Variants in BIRC3 observed in about 807,000 individuals in gnomAD.
The protein encoded by BIRC3 is baculoviral IAP repeat containing 3.
BIRC3 carries 26 observed loss-of-function variants against 59.0 expected under a neutral mutation model. The ratio of observed to expected loss-of-function variants is 0.44; its 90% CI spans 0.32 to 0.61. The LOEUF (loss-of-function observed/expected upper bound fraction) is 0.61, where lower values mean the gene tolerates loss of function less well. Ranked by LOEUF, BIRC3 falls within the 20% of genes least tolerant of loss-of-function variation. The probability of loss-of-function intolerance (pLI) is 0.04; values close to 1 mark genes in which losing one functional copy is unlikely to be tolerated. For missense variants in BIRC3, 641 were observed against 711.5 expected (o/e 0.90, Z 1.13); for synonymous variants, 243 against 249.2 (o/e 0.98, Z 0.24).
chr11:102,320,799 G>C (rs768168821), intron 1 of BIRC3, among the ~76,000 whole-genome samples: 1 of 152,222 alleles, frequency 6.6e-6, no homozygotes, highest in Non-Finnish European at 1.5e-5. Context: ...AATAGCAACA[G>C]TCTGTTATTG....
Position 102,337,930 on chromosome 11 carries a change from C to G in BIRC3, c.*828C>G, listed in dbSNP as rs1437702294. The G allele has an allele frequency of 4.4e-6, 1 of 227,080 alleles. No homozygotes were observed. The highest frequency in any genetic ancestry group is 1.8e-4 in the South Asian group (1 of 5,492). 14.1% of individuals were successfully genotyped at this position (227,080 alleles called of 1,614,324 possible). Reference sequence around the variant, plus strand: ...TGGAATGCCTGAGACAAGAATCAAACAGTCCCTTTAGTAAGTTTGTTTATT... The same window carrying G: ...TGGAATGCCTGAGACAAGAATCAAAGAGTCCCTTTAGTAAGTTTGTTTATT... On this transcript the variant is annotated 3_prime_UTR_variant, in exon 9 of 9. Transcript: ENST00000263464.
At position 102,336,817 on chromosome 11, in the gene BIRC3, T is replaced by G; in HGVS notation, c.1621+16T>G. On this transcript the variant is annotated intron_variant, in intron 8 of 8. Coordinates refer to ENST00000263464, the MANE Select transcript of BIRC3 (RefSeq NM_001165.5). ...GATGTTTCAGGTAATAGTACTAATA[T>G]TTTAAATCAATAGAGAACATTGTCT... The G allele has an allele frequency of 6.2e-7, 1 of 1,602,764 alleles. No individual in the cohort carries two copies. Among genetic ancestry groups the G allele is most frequent in the Non-Finnish European group, 8.5e-7 (1 of 1,175,554 alleles).
Position 102,331,244 on chromosome 11 carries a change from A to T in BIRC3, c.1324+3A>T. The T allele has an allele frequency of 1.2e-6, 2 of 1,603,450 alleles. No homozygotes were observed. Among genetic ancestry groups the T allele is most frequent in the Non-Finnish European group, 1.7e-6 (2 of 1,176,224 alleles). ...AGCAACTGAGGAAAAAGAATCAAGT[A>T]TGTAGATTTATTAATACAGTCTATT... is the stretch of plus-strand genomic sequence containing the variant. On this transcript the variant is annotated splice_donor_region_variant and intron_variant, in intron 6 of 8. Coordinates refer to ENST00000263464, the MANE Select transcript of BIRC3 (RefSeq NM_001165.5).
chr11:102,333,086 C>A (rs780409834), intron 6 of BIRC3, among the ~76,000 whole-genome samples: 1 of 152,010 alleles, frequency 6.6e-6, no homozygotes, highest in East Asian at 1.9e-4. Context: ...GAAAAAGAGC[C>A]CTTAGCGTTT....
At chr11:102,328,611 G>A (rs1045176420) in intron 4 of BIRC3, among the ~76,000 whole-genome samples, 3 of 152,040 alleles carry the variant, frequency 2.0e-5, no homozygotes, top group Admixed American at 1.3e-4. Flanking sequence ...AAAATTGATT[G>A]TCACATGGAT....
intron 3 of BIRC3, among the ~76,000 whole-genome samples, chr11:102,327,322 A>C (rs72978210): frequency 6.6e-6 from 1 of 152,316 alleles, no homozygotes; most frequent in Non-Finnish European, 1.5e-5. Flanking sequence ...GCCCAAATTA[A>C]GATAAACCTT....
At chr11:102,334,543 T>C (rs761712198) in intron 6 of BIRC3, among the ~76,000 whole-genome samples, 2 of 152,176 alleles carry the variant, frequency 1.3e-5, no homozygotes, top group Non-Finnish European at 2.9e-5. Context: ...TTATGAGTCC[T>C]ATCACTTGAC....
chr11:102,332,153 G>A (rs1951149196), intron 6 of BIRC3, among the ~76,000 whole-genome samples: 1 of 152,130 alleles, frequency 6.6e-6, no homozygotes, highest in South Asian at 2.1e-4. Context: ...TATCCACTAT[G>A]TTCTCTATTG....
rs1409293452 is a variant in BIRC3 at position 102,336,892 on chromosome 11, T to A, written c.1622-17T>A. 6.3e-7 allele frequency: 1 copy of A among 1,591,308 alleles called. No individual in the cohort carries two copies. Among genetic ancestry groups the A allele is most frequent in the Non-Finnish European group, 8.5e-7 (1 of 1,174,888 alleles). ...GAAGCAAACTGCCTTTTATTAAAAA[T>A]TCTTTCCTCTTTCTAGATCTACCAG... On this transcript the variant is annotated splice_polypyrimidine_tract_variant and intron_variant, in intron 8 of 8. Coordinates refer to ENST00000263464, the MANE Select transcript of BIRC3 (RefSeq NM_001165.5).
At position 102,325,257 on chromosome 11, in the gene BIRC3, C is replaced by G. The variant is rs755783862; in HGVS notation, c.748C>G (p.Leu250Val). ...QDTSRYTVSN[L>V]SMQTHAARFK... ...CACTTCAAGATACACAGTTTCTAAT[C>G]TGAGCATGCAGACACATGCAGCCCG... Residue 250 changes from leucine to valine, a missense_variant, in exon 2 of 9, where the codon CTG (leucine) becomes GTG (valine). Leu to Val is a conservative substitution (Grantham distance 32). Coordinates refer to ENST00000263464, the MANE Select transcript of BIRC3 (RefSeq NM_001165.5). 6.2e-6 allele frequency: 10 copies of G among 1,614,046 alleles called. No homozygotes were observed. In the East Asian group the frequency reaches 2.2e-4, roughly 36 times the overall value.
intron 5 of BIRC3, among the ~76,000 whole-genome samples, chr11:102,330,109 A>G (rs1951124787): frequency 6.6e-6 from 1 of 152,178 alleles, no homozygotes; most frequent in Non-Finnish European, 1.5e-5. Context: ...AGGGTCAGAA[A>G]AGGCTTTCCA....
rs1336077099 is a variant in BIRC3, at chr11:102,323,985, T to A, written c.-525T>A. ...TTTGAGTTAGGTCTTGTGCTTTTTT[T>A]TCCTGGCCACTAAATTTCACAATTT... On this transcript the variant is annotated 5_prime_UTR_variant, in exon 2 of 9. Transcript: ENST00000263464. 4.9e-6 allele frequency: 1 copy of A among 206,108 alleles called. No individual in the cohort carries two copies. The highest frequency in any genetic ancestry group is 9.9e-6 in the Non-Finnish European group (1 of 100,952). 12.8% of individuals were successfully genotyped at this position (206,108 alleles called of 1,614,324 possible).
chr11:102,328,168 AGAGAAATTGCTTTCT>A, intron 4 of BIRC3, 38 bp downstream of exon 4: 1 of 1,520,786 alleles, frequency 6.6e-7, no homozygotes, highest in Non-Finnish European at 9.1e-7. Context: ...GGTTGCCATC[AGAGAAATTGCTTTCT>A]GATAATTACA....
At chr11:102,327,425 G>A (rs1951094894) in intron 3 of BIRC3, among the ~76,000 whole-genome samples, 1 of 152,092 alleles carries the variant, frequency 6.6e-6, no homozygotes, top group Non-Finnish European at 1.5e-5. Context: ...AGGATCACTT[G>A]AGGTCAGGAG....
chr11:102,325,345 C>T lies in BIRC3; in HGVS notation c.836C>T (p.Ala279Val), dbSNP rs1288469434. The T allele has an allele frequency of 2.5e-6, 4 of 1,595,614 alleles. No individual in the cohort carries two copies. Among genetic ancestry groups the T allele is most frequent in the Non-Finnish European group, 3.4e-6 (4 of 1,172,102 alleles). ...GTTAATCCTGAGCAGCTTGCAAGTGCGGGTTTTTATTATGTGGGTAAGAAA... is the reference window on the plus strand; with the variant it reads ...GTTAATCCTGAGCAGCTTGCAAGTGTGGGTTTTTATTATGTGGGTAAGAAA... ...VLVNPEQLAS[A>V]GFYYVGNSDD... Residue 279 changes from alanine to valine, a missense_variant, in exon 2 of 9, where the codon GCG (alanine) becomes GTG (valine). Physicochemically the swap from Ala to Val is moderately conservative, Grantham distance 64 (BLOSUM62 0). Transcript: ENST00000263464.
chr11:102,337,197 A>C lies in BIRC3; in HGVS notation c.*95A>C. 3.2e-6 allele frequency: 3 copies of C among 923,220 alleles called. No individual in the cohort carries two copies. The highest frequency in any genetic ancestry group is 4.4e-6 in the Non-Finnish European group (3 of 676,292). 57.2% of individuals were successfully genotyped at this position (923,220 alleles called of 1,614,324 possible). A position where few individuals can be genotyped will look rare whatever the true frequency, so the allele number is the denominator to read the frequency against. On this transcript the variant is annotated 3_prime_UTR_variant, in exon 9 of 9. Coordinates refer to ENST00000263464, the MANE Select transcript of BIRC3 (RefSeq NM_001165.5). ...CTAATTTGGTTTCCTTAAAATTTTT[A>C]TTTATTTACAACTCAAAAAACATTG...
chr11:102,335,998 G>T lies in BIRC3; in HGVS notation c.1357G>T (p.Ala453Ser), dbSNP rs751069462. 4.3e-6 allele frequency: 7 copies of T among 1,610,656 alleles called. No individual in the cohort carries two copies. The highest frequency in any genetic ancestry group is 5.9e-6 in the Non-Finnish European group (7 of 1,178,546). The change falls in exon 7 of 9, where the codon GCA (alanine) becomes TCA (serine). Residue 453 changes from alanine (A) to serine (S), a missense_variant. Ala to Ser is a moderately conservative substitution (Grantham distance 99). Coordinates refer to ENST00000263464, the MANE Select transcript of BIRC3 (RefSeq NM_001165.5). ...DLLLIRKNRM[A>S]LFQHLTCVIP... Reference sequence around the variant, plus strand: ...ATTATTAATCCGGAAGAATAGAATGGCACTTTTTCAACATTTGACTTGTGT... The same window carrying T: ...ATTATTAATCCGGAAGAATAGAATGTCACTTTTTCAACATTTGACTTGTGT...
At position 102,325,032 on chromosome 11, in the gene BIRC3, A is replaced by G; in HGVS notation, c.523A>G (p.Thr175Ala). The G allele has an allele frequency of 6.2e-7, 1 of 1,614,204 alleles. No individual in the cohort carries two copies. Among genetic ancestry groups the G allele is most frequent in the Non-Finnish European group, 8.5e-7 (1 of 1,180,036 alleles). ...AMNNENARLL[T>A]FQTWPLTFLS... ...GAATAACGAAAATGCCAGATTACTT[A>G]CTTTTCAGACATGGCCATTGACTTT... Residue 175 changes from threonine (T) to alanine (A), a missense_variant, in exon 2 of 9, where the codon ACT becomes GCT. Thr to Ala is a moderately conservative substitution (Grantham distance 58). Around this residue, in one of 4 missense-constraint regions of BIRC3, gnomAD observed 329 missense variants for 365.6 expected, o/e 0.90. Transcript: ENST00000263464.
Position 102,336,130 on chromosome 11 carries a change from G to T in BIRC3, c.1489G>T (p.Asp497Tyr), listed in dbSNP as rs1951194042. 2 of 1,613,798 alleles carry T rather than the reference G, an allele frequency of 1.2e-6. No individual in the cohort carries two copies. Among genetic ancestry groups the T allele is most frequent in the Middle Eastern group, 3.3e-4 (2 of 6,054 alleles). ...GTCTTTACAAGCAAGAGAACTGATT[G>T]ATACGATTTTAGTAAAAGGAAATAT... ...QTSLQARELI[D>Y]TILVKGNIAA... The change falls in exon 7 of 9, where the codon GAT (aspartate) becomes TAT (tyrosine). Residue 497 changes from aspartate to tyrosine, a missense_variant. Coordinates refer to ENST00000263464, the MANE Select transcript of BIRC3 (RefSeq NM_001165.5).
Sources: allele counts gnomAD v4.1 joint callset (sites outside exome capture counted in the v4.1 genomes callset), GRCh38; gene constraint gnomAD v4.1.1; regional missense constraint gnomAD v4.1.1; transcripts MANE v1.5; gene names NCBI Gene and HGNC (gene_info 2026-07-23, HGNC 2026-07-21).